Variants in CDC27 observed in about 807,000 individuals in gnomAD.
CDC27 encodes the protein cell division cycle protein 27 homolog.
A neutral mutation model predicts 109.7 loss-of-function variants in CDC27; 27 were observed. The observed-to-expected ratio is 0.25, with a 90% confidence interval of 0.18 to 0.34. The LOEUF (loss-of-function observed/expected upper bound fraction) is 0.34, where lower values mean the gene tolerates loss of function less well. Among genes scored for constraint, CDC27 ranks in the 10% least tolerant of loss-of-function variants. CDC27 has a pLI of 1.00. For missense variants in CDC27, 579 were observed against 960.2 expected (o/e 0.60, Z 5.25); for synonymous variants, 266 against 333.9 (o/e 0.80, Z 2.22).
At chr17:47,182,495 CT>C (rs2064281344) in intron 1 of CDC27, among the ~76,000 whole-genome samples, 1 of 152,158 alleles carries the variant, frequency 6.6e-6, no homozygotes, top group East Asian at 1.9e-4. Flanking sequence ...TTTTCTTGAC[CT>C]TTCTCTTGGT....
At chr17:47,138,397 C>A (rs1326178096) in intron 13 of CDC27, among the ~76,000 whole-genome samples, 1 of 152,186 alleles carries the variant, frequency 6.6e-6, no homozygotes, top group Non-Finnish European at 1.5e-5. Context: ...CTATGTCTTA[C>A]AATGACAATA....
chr17:47,143,135 ATTTTT>A (rs200857474), intron 10 of CDC27, among the ~76,000 whole-genome samples: 1 of 145,450 alleles, frequency 6.9e-6, no homozygotes, highest in African/African-American at 2.6e-5. Flanking sequence ...ATCCCAGCTA[ATTTTT>A]TTTTTCAGAG....
At chr17:47,149,594 T>C (rs2063092309) in intron 9 of CDC27, among the ~76,000 whole-genome samples, 2 of 151,742 alleles carry the variant, frequency 1.3e-5, no homozygotes, top group South Asian at 2.1e-4. Context: ...TCTGGATCTA[T>C]AGAAGGAAAG....
intron 3 of CDC27, 180 bp from the exon 4 acceptor site, chr17:47,170,222 AG>A (rs1487666653): frequency 2.3e-6 from 1 of 443,198 alleles, no homozygotes; most frequent in Non-Finnish European, 4.0e-6. Context: ...TTAAAGAGAT[AG>A]GGTCTTGCTT....
At chr17:47,139,458 A>G (rs902615243) in intron 12 of CDC27, among the ~76,000 whole-genome samples, 2 of 151,244 alleles carry the variant, frequency 1.3e-5, no homozygotes, top group Non-Finnish European at 2.9e-5. Flanking sequence ...TAGTAGAGAC[A>G]GGGTTTCACC....
chr17:47,154,180 C>T (rs917933109), intron 8 of CDC27, among the ~76,000 whole-genome samples: 17 of 150,346 alleles, frequency 1.1e-4, no homozygotes, highest in African/African-American at 3.7e-4. Flanking sequence ...TAAAACTATA[C>T]ATCCATGATC....
chr17:47,131,475 G>C (rs1464908117), intron 15 of CDC27, among the ~76,000 whole-genome samples: 1 of 151,804 alleles, frequency 6.6e-6, no homozygotes, highest in East Asian at 1.9e-4. Flanking sequence ...TCCTCACATT[G>C]TATGACCATT....
chr17:47,161,261 G>C (rs1211765939), intron 4 of CDC27: 1 of 151,718 alleles, frequency 6.6e-6, no homozygotes, highest in African/African-American at 2.4e-5. Context: ...TGGGATTACA[G>C]GTGTGAGCCA....
At chr17:47,148,680 T>C (rs1413113129) in intron 9 of CDC27, among the ~76,000 whole-genome samples, 1 of 152,154 alleles carries the variant, frequency 6.6e-6, no homozygotes, top group African/African-American at 2.4e-5. Flanking sequence ...AGAAAAGACA[T>C]ATTACTACAT....
intron 9 of CDC27, among the ~76,000 whole-genome samples, chr17:47,150,946 C>T (rs1437844625): frequency 6.6e-6 from 1 of 152,100 alleles, no homozygotes; most frequent in Admixed American, 6.6e-5. Flanking sequence ...GCAGGAGAAT[C>T]ACTTGAACCC....
chr17:47,173,396 G>A (rs780048570), intron 2 of CDC27, among the ~76,000 whole-genome samples: 1 of 151,412 alleles, frequency 6.6e-6, no homozygotes. Context: ...AGAATGGGGC[G>A]CTCACTGCAG....
At position 47,151,806 on chromosome 17, in the gene CDC27, C is replaced by A; in HGVS notation, c.1070G>T (p.Ser357Ile). 6.4e-7 allele frequency: 1 copy of A among 1,574,570 alleles called. No individual in the cohort carries two copies. The highest frequency in any genetic ancestry group is 1.2e-5 in the South Asian group (1 of 82,266). ...GTTGAATAATTACAATGATAAATAC[C>A]TTGTTTGTGGACCAGAACTTTGTGT... ...AQTQSSGPQT[S>I]TTPQVLSPTI... is the part of the protein sequence containing the mutation. Residue 357 changes from serine to isoleucine, a missense_variant and splice_region_variant, in exon 9 of 19, where the codon AGT (serine) becomes ATT (isoleucine). By Grantham distance (142) the Ser-to-Ile change is moderately radical. Transcript: ENST00000066544.
rs977303464 is a variant in CDC27 at position 47,138,942 on chromosome 17, T to C, written c.1552-51A>G. The C allele has an allele frequency of 7.3e-6, 9 of 1,238,326 alleles. No individual in the cohort carries two copies. In the African/African-American group the frequency reaches 1.1e-4, roughly 15 times the overall value. The allele number at this position is 1,238,326 out of a possible 1,614,324, so 76.7% of individuals were successfully genotyped here. A position where few individuals can be genotyped will look rare whatever the true frequency, so the allele number is the denominator to read the frequency against. On this transcript the variant is annotated intron_variant, in intron 12 of 18. Coordinates refer to ENST00000066544, the MANE Select transcript of CDC27 (RefSeq NM_001256.6). ...AAAACAAGTTGATACAATTTATATA[T>C]ATACACAGGGAAAGCCCTGGTCATT... is the stretch of plus-strand genomic sequence containing the variant.
intron 16 of CDC27, among the ~76,000 whole-genome samples, chr17:47,124,494 G>C (rs1294099574): frequency 6.6e-6 from 1 of 152,158 alleles, no homozygotes; most frequent in African/African-American, 2.4e-5. Context: ...ATGTCAGCCA[G>C]GCTGGTCTTG....
intron 15 of CDC27, among the ~76,000 whole-genome samples, chr17:47,130,339 G>A (rs954733357): frequency 3.3e-5 from 5 of 151,130 alleles, no homozygotes; most frequent in African/African-American, 7.3e-5. Flanking sequence ...CAGCCTGGGC[G>A]ACAGAGCGAG....
chr17:47,142,609 C>A (rs1339277826), intron 10 of CDC27, among the ~76,000 whole-genome samples, 173 bp from the exon 11 acceptor site: 2 of 152,130 alleles, frequency 1.3e-5, no homozygotes, highest in African/African-American at 4.8e-5. Flanking sequence ...ATTTTAAACA[C>A]AGTAATTCTG....
rs780320642 is a variant in CDC27, at chr17:47,127,365, T to TTATA, written c.2160+2024_2160+2027dup. ...AAAACTAAAGGAATTACTAGATAAA[T>TTATA]TATATATTTAATCCCTTTGTATATC... On this transcript the variant is annotated intron_variant, in intron 16 of 18. Transcript: ENST00000066544. Among the ~76,000 whole-genome samples, 15 of 152,176 alleles carry TTATA rather than the reference T, an allele frequency of 9.9e-5. No homozygotes were observed. The South Asian group carries it at 1.4e-3, about 15-fold the overall frequency.
In CDC27 at chr17:47,119,423, A is replaced by C. The variant is rs1244414532; in HGVS notation, c.*1512T>G. Reference sequence around the variant, plus strand: ...GAAAATTACTGAGTCTACAGACTAAAATTTTTTTCACATCTTTTGTAATCC... The same window carrying C: ...GAAAATTACTGAGTCTACAGACTAACATTTTTTTCACATCTTTTGTAATCC... On this transcript the variant is annotated 3_prime_UTR_variant, in exon 19 of 19. Transcript: ENST00000066544. 6.6e-6 allele frequency: 1 copy of C among 152,162 alleles called. No individual in the cohort carries two copies. Among genetic ancestry groups the C allele is most frequent in the Non-Finnish European group, 1.5e-5 (1 of 68,024 alleles). The allele number at this position is 152,162 out of a possible 1,614,324, so 9.4% of individuals were successfully genotyped here.
At chr17:47,141,066 CCA>C (rs11570527) in intron 12 of CDC27, among the ~76,000 whole-genome samples, 1 of 152,110 alleles carries the variant, frequency 6.6e-6, no homozygotes, top group Non-Finnish European at 1.5e-5. Flanking sequence ...AATGTAAGCT[CCA>C]CAGAGGCAAG....
Sources: gnomAD v4.1 joint callset for allele counts (sites outside exome capture counted in the v4.1 genomes callset) on GRCh38, gnomAD v4.1.1 for gene constraint, MANE v1.5 for transcripts, NCBI Gene and HGNC (gene_info 2026-07-23, HGNC 2026-07-21) for gene names.